The following LRRC37A2 variants were observed in gnomAD, a reference collection of about 807,000 sequenced individuals.
LRRC37A2 encodes leucine-rich repeat-containing protein 37A2.
Under a neutral mutation model 68.8 loss-of-function variants are expected in LRRC37A2, and 9 were observed. That is an observed-to-expected ratio of 0.13 (90% CI 0.08 to 0.23). LRRC37A2 has a LOEUF of 0.23. Among genes scored for constraint, LRRC37A2 ranks in the 10% least tolerant of loss-of-function variants. The probability of loss-of-function intolerance (pLI) is 1.00; values close to 1 mark genes in which losing one functional copy is unlikely to be tolerated. For synonymous variants in LRRC37A2, 63 were observed against 367.6 expected, an observed-to-expected ratio of 0.17 and a Z score of 9.48; for missense variants, 168 against 950.4, an observed-to-expected ratio of 0.18 and a Z score of 10.82.
chr17:46,786,101 A>G, the LRRC37A2 span, among the ~76,000 whole-genome samples: 5 of 114,300 alleles, frequency 4.4e-5, no homozygotes, highest in Non-Finnish European at 4.9e-5. Context: ...TGAAGTTGAT[A>G]AGCCTGGAAA....
At chr17:46,889,545 T>A in the LRRC37A2 span, among the ~76,000 whole-genome samples, 1 of 152,154 alleles carries the variant, frequency 6.6e-6, no homozygotes, top group South Asian at 2.1e-4. Flanking sequence ...GACCTCTGAG[T>A]CCTAAAAGGC....
the LRRC37A2 span, chr17:46,978,653 G>T: frequency 6.2e-7 from 1 of 1,604,712 alleles, no homozygotes; most frequent in Non-Finnish European, 8.5e-7. Context: ...GCTCAGTACA[G>T]CCCCAGGATG....
At chr17:46,724,960 G>A in the LRRC37A2 span, among the ~76,000 whole-genome samples, 1 of 151,886 alleles carries the variant, frequency 6.6e-6, no homozygotes, top group Non-Finnish European at 1.5e-5. Flanking sequence ...ATTTCTACTT[G>A]AATTTAAAAT....
chr17:47,002,767 T>C, the LRRC37A2 span, among the ~76,000 whole-genome samples: 1 of 151,642 alleles, frequency 6.6e-6, no homozygotes, highest in Non-Finnish European at 1.5e-5. Context: ...CTAGGTCTTA[T>C]TCATTCTTTT....
At chr17:46,750,949 G>A in the LRRC37A2 span, among the ~76,000 whole-genome samples, 2 of 151,738 alleles carry the variant, frequency 1.3e-5, no homozygotes, top group African/African-American at 2.4e-5. Flanking sequence ...AAAAAAGAAC[G>A]TTCTTCATTT....
chr17:46,959,642 C>T, the LRRC37A2 span, among the ~76,000 whole-genome samples: 1 of 152,328 alleles, frequency 6.6e-6, no homozygotes, highest in East Asian at 1.9e-4. Flanking sequence ...TACCAACTCC[C>T]ATGGATAGCA....
the LRRC37A2 span, among the ~76,000 whole-genome samples, chr17:46,986,546 T>C: frequency 6.6e-6 from 1 of 152,184 alleles, no homozygotes. Context: ...GAAAGCTCCT[T>C]ATGGGTTGCC....
the LRRC37A2 span, among the ~76,000 whole-genome samples, chr17:47,041,399 G>T: frequency 6.2e-5 from 2 of 32,478 alleles, no homozygotes; most frequent in Non-Finnish European, 5.5e-5. Flanking sequence ...TTTTTTTTTT[G>T]CCCTTTTCTT....
At chr17:47,033,870 C>A in the LRRC37A2 span, among the ~76,000 whole-genome samples, 1 of 152,166 alleles carries the variant, frequency 6.6e-6, no homozygotes, top group Non-Finnish European at 1.5e-5. Context: ...TAGAGCAGTA[C>A]TTCTTAAACT....
At chr17:46,908,870 G>A in the LRRC37A2 span, among the ~76,000 whole-genome samples, 1 of 152,164 alleles carries the variant, frequency 6.6e-6, no homozygotes, top group African/African-American at 2.4e-5. Flanking sequence ...CCTCAGAGGA[G>A]CCCAAATGGA....
chr17:46,530,358 A>G (rs2053504551), intron 6 of LRRC37A2, among the ~76,000 whole-genome samples: 1 of 142,654 alleles, frequency 7.0e-6, no homozygotes. Flanking sequence ...TTAACCAGTC[A>G]TGTGGCACTC....
chr17:47,024,809 G>A, the LRRC37A2 span: 6 of 663,124 alleles, frequency 9.0e-6, no homozygotes, highest in Non-Finnish European at 1.6e-5. Flanking sequence ...CAATGAATAA[G>A]GGGTTCAAAT....
At chr17:46,940,732 A>T in the LRRC37A2 span, 2 of 1,586,742 alleles carry the variant, frequency 1.3e-6, no homozygotes, top group Non-Finnish European at 1.7e-6. Context: ...GTTGGCTTTG[A>T]TGAACCCTCA....
At chr17:46,734,551 A>G in the LRRC37A2 span, among the ~76,000 whole-genome samples, 226 of 152,222 alleles carry the variant, frequency 1.5e-3, no homozygotes, top group African/African-American at 5.2e-3. Flanking sequence ...GTGTGTGTGT[A>G]TATATACATA....
At chr17:46,991,798 A>T in the LRRC37A2 span, among the ~76,000 whole-genome samples, 1 of 152,328 alleles carries the variant, frequency 6.6e-6, no homozygotes, top group South Asian at 2.1e-4. Context: ...GTTTTTCTAA[A>T]TAAAGTCTGA....
the LRRC37A2 span, among the ~76,000 whole-genome samples, chr17:46,680,378 A>G: frequency 2.0e-5 from 3 of 151,262 alleles, no homozygotes; most frequent in Admixed American, 2.0e-4. Flanking sequence ...GCTGTGCCTT[A>G]AACGGAGCTG....
the LRRC37A2 span, among the ~76,000 whole-genome samples, chr17:46,981,852 T>C: frequency 6.6e-6 from 1 of 152,252 alleles, no homozygotes; most frequent in Admixed American, 6.5e-5. Context: ...CCCACAGGCA[T>C]GTGCCACCAT....
At chr17:47,024,646 A>G in the LRRC37A2 span, 2 of 998,996 alleles carry the variant, frequency 2.0e-6, no homozygotes, top group East Asian at 4.7e-5. Flanking sequence ...TGTAGTTTGC[A>G]TTTTAATCTA....
the LRRC37A2 span, among the ~76,000 whole-genome samples, chr17:46,900,395 T>C: frequency 6.6e-6 from 1 of 151,528 alleles, no homozygotes; most frequent in Non-Finnish European, 1.5e-5. Flanking sequence ...GGACTAGAGG[T>C]GTGTGTCACC....
Sources: allele counts gnomAD v4.1 joint callset (sites outside exome capture counted in the v4.1 genomes callset), GRCh38; gene constraint gnomAD v4.1.1; transcripts MANE v1.5; gene names NCBI Gene and HGNC (gene_info 2026-07-23, HGNC 2026-07-21).